SLC25A43: variants seen among roughly 807,000 people sequenced by gnomAD.
SLC25A43 encodes solute carrier family 25, member 43.
In SLC25A43, 10 loss-of-function variants were observed where a neutral mutation model predicts 22.8. That is an observed-to-expected ratio of 0.44 (90% CI 0.27 to 0.74). The LOEUF (loss-of-function observed/expected upper bound fraction) is 0.74. Ranked by LOEUF, SLC25A43 falls within the 30% of genes least tolerant of loss-of-function variation. SLC25A43 has a pLI of 0.17. For synonymous variants in SLC25A43, 106 were observed against 121.6 expected, an observed-to-expected ratio of 0.87 and a Z score of 0.84; for missense variants, 233 against 279.1, an observed-to-expected ratio of 0.83 and a Z score of 1.18.
At chrX:119,435,199 T>G (rs186783149) in intron 3 of SLC25A43, among the ~76,000 whole-genome samples, 34 of 111,091 alleles carry the variant, frequency 3.1e-4, no homozygotes, top group African/African-American at 1.0e-3. Flanking sequence ...ATATAGGACC[T>G]TGTAGCCTAC....
chrX:119,401,605 G>A (rs1002545888), intron 1 of SLC25A43, among the ~76,000 whole-genome samples: 6 of 110,149 alleles, frequency 5.4e-5, no homozygotes, highest in Non-Finnish European at 9.5e-5. Context: ...ACAGAGGTGG[G>A]AAGGCAAGCA....
intron 3 of SLC25A43, among the ~76,000 whole-genome samples, chrX:119,435,732 T>A (rs2052601350): frequency 3.5e-5 from 1 of 28,773 alleles, no homozygotes; most frequent in African/African-American, 1.6e-4. Context: ...TGGTTTTTTG[T>A]TCTTGCGATA....
chrX:119,444,810 G>A (rs1254042834), intron 3 of SLC25A43, among the ~76,000 whole-genome samples: 1 of 110,007 alleles, frequency 9.1e-6, no homozygotes, highest in Non-Finnish European at 1.9e-5. Flanking sequence ...CGAGGTGGGT[G>A]GCTCACTTGA....
chrX:119,450,206 A>G (rs1174086161), intron 3 of SLC25A43, among the ~76,000 whole-genome samples: 1 of 111,050 alleles, frequency 9.0e-6, no homozygotes, highest in East Asian at 2.8e-4. Flanking sequence ...ATTTCCTAGA[A>G]AAGGTATATA....
intron 3 of SLC25A43, chrX:119,426,403 T>C: frequency 5.8e-6 from 1 of 171,847 alleles, no homozygotes; most frequent in Non-Finnish European, 9.5e-6. Flanking sequence ...CTAAATTCGT[T>C]TAGTGCAAAT....
chrX:119,403,524 G>A (rs187479975), intron 1 of SLC25A43, among the ~76,000 whole-genome samples: 38 of 111,601 alleles, frequency 3.4e-4, no homozygotes, highest in Non-Finnish European at 6.2e-4. Flanking sequence ...TCCTGACCTC[G>A]TGATCCACCT....
intron 3 of SLC25A43, 86 bp downstream of exon 3, chrX:119,410,448 A>C (rs2052340132): frequency 3.0e-6 from 3 of 1,002,983 alleles, no homozygotes; most frequent in African/African-American, 1.9e-5. Context: ...ACTGACCCCA[A>C]GTGATGCCAG....
At chrX:119,443,451 T>C (rs1009840785) in intron 3 of SLC25A43, among the ~76,000 whole-genome samples, 932 of 60,945 alleles carry the variant, frequency 0.015, 27 homozygotes, top group Admixed American at 0.087. Flanking sequence ...TCTCTCTCTT[T>C]TTTTTTTTTT....
At chrX:119,445,918 C>T (rs1018431676) in intron 3 of SLC25A43, among the ~76,000 whole-genome samples, 15 of 109,741 alleles carry the variant, frequency 1.4e-4, no homozygotes, top group Non-Finnish European at 2.3e-4. Flanking sequence ...TTTGGGAGGC[C>T]GAGGCAGGAG....
intron 3 of SLC25A43, among the ~76,000 whole-genome samples, chrX:119,419,715 T>C (rs944434919): frequency 3.6e-5 from 4 of 111,994 alleles, no homozygotes; most frequent in Non-Finnish European, 7.5e-5. Context: ...AGCTGACCTC[T>C]TCTTTTCCTA....
intron 3 of SLC25A43, 98 bp from the exon 4 acceptor site, chrX:119,451,911 A>C: frequency 1.7e-6 from 2 of 1,186,220 alleles, no homozygotes; most frequent in East Asian, 6.0e-5. Context: ...CCAGGAACCC[A>C]GCATCCAGAA....
Position 119,452,897 on chromosome X carries a change from C to G in SLC25A43, c.858C>G (p.Thr286=), listed in dbSNP as rs754770793. The G allele has an allele frequency of 4.1e-6, 5 of 1,210,818 alleles. No homozygotes were observed. Among genetic ancestry groups the G allele is most frequent in the Non-Finnish European group, 5.6e-6 (5 of 894,883 alleles). The change falls in exon 5 of 5, where the codon ACC becomes ACG. Residue 286 remains threonine, a synonymous_variant. Transcript: ENST00000217909. ...IVPYFGIMFS[T]FEFCKRICLY... Reference sequence around the variant, plus strand: ...CATATTTTGGAATTATGTTTAGCACCTTTGAGTTCTGCAAGAGAATCTGTC... The same window carrying G: ...CATATTTTGGAATTATGTTTAGCACGTTTGAGTTCTGCAAGAGAATCTGTC...
chrX:119,446,033 A>G (rs775864210), intron 3 of SLC25A43, among the ~76,000 whole-genome samples: 49 of 108,260 alleles, frequency 4.5e-4, no homozygotes, highest in African/African-American at 1.6e-3. Flanking sequence ...TGCACCTGCA[A>G]TCCCAGCTAC....
chrX:119,406,764 T>C (rs1291384853), intron 2 of SLC25A43, 63 bp downstream of exon 2: 52 of 1,120,463 alleles, frequency 4.6e-5, no homozygotes, highest in Non-Finnish European at 6.1e-5. Context: ...ACAAATGTAT[T>C]GTATACCTTT....
intron 3 of SLC25A43, among the ~76,000 whole-genome samples, chrX:119,415,956 C>T (rs183607802): frequency 2.0e-5 from 2 of 98,427 alleles, no homozygotes; most frequent in African/African-American, 3.8e-5. Flanking sequence ...TGCGGTGAGC[C>T]GTATTTGTGC....
At chrX:119,451,928 C>T (rs1038067488) in intron 3 of SLC25A43, 81 bp from the exon 4 acceptor site, 3 of 1,197,282 alleles carry the variant, frequency 2.5e-6, no homozygotes, top group Non-Finnish European at 3.4e-6. Context: ...AGAATGTAGA[C>T]TTGAGACCCT....
chrX:119,421,833 G>T (rs2052455554), intron 3 of SLC25A43, among the ~76,000 whole-genome samples: 1 of 111,877 alleles, frequency 8.9e-6, no homozygotes, highest in East Asian at 2.8e-4. Context: ...AATAACTGCA[G>T]ATGCCGTATT....
intron 3 of SLC25A43, among the ~76,000 whole-genome samples, chrX:119,428,931 C>T (rs2052531220): frequency 1.8e-5 from 2 of 111,030 alleles, no homozygotes; most frequent in African/African-American, 6.6e-5. Context: ...ATCCCAAAAC[C>T]ATTCCCCCCA....
intron 3 of SLC25A43, among the ~76,000 whole-genome samples, chrX:119,445,038 C>T (rs1213093205): frequency 5.6e-5 from 2 of 35,530 alleles, no homozygotes; most frequent in Non-Finnish European, 9.6e-5. Flanking sequence ...ACCCTGTCTC[C>T]AAAAAAAAAA....
Sources: gnomAD v4.1 joint callset for allele counts (sites outside exome capture counted in the v4.1 genomes callset) on GRCh38, gnomAD v4.1.1 for gene constraint, MANE v1.5 for transcripts, NCBI Gene and HGNC (gene_info 2026-07-23, HGNC 2026-07-21) for gene names.